CCDC121: variants seen among roughly 807,000 people sequenced by gnomAD.
CCDC121 encodes the protein coiled-coil domain containing 121, also known as coiled-coil domain-containing protein 121.
For synonymous variants in CCDC121, 108 were observed against 120.0 expected, an observed-to-expected ratio of 0.90 and a Z score of 0.65; for missense variants, 238 against 304.1, an observed-to-expected ratio of 0.78 and a Z score of 1.62.
In CCDC121 at chr2:27,627,596, A is replaced by C; in HGVS notation, c.204T>G (p.Ile68Met). ...AGGCTGATTCTTGTCTTCTTCGTTC[A>C]ATCTCTCCACTTTTTTGTAAATAGC... is the stretch of plus-strand genomic sequence containing the variant. ...WNSYLQKSGE[I>M]ERRRQESASR... is the part of the protein sequence containing the mutation. Residue 68 changes from isoleucine (I) to methionine (M), a missense_variant, in exon 2 of 2, where the codon ATT becomes ATG. Physicochemically the swap from Ile to Met is conservative, Grantham distance 10. Transcript: ENST00000324364. 6.2e-7 allele frequency: 1 copy of C among 1,614,024 alleles called. No individual in the cohort carries two copies. Among genetic ancestry groups the C allele is most frequent in the Non-Finnish European group, 8.5e-7 (1 of 1,179,998 alleles).
At position 27,628,976 on chromosome 2, in the gene CCDC121, T is replaced by C; in HGVS notation, c.-145A>G. ...CGCTCCTTTCTGACGCTGTGGTGGT[T>C]TTCGTTCGCAGCCCAGAACATTGCG... On this transcript the variant is annotated 5_prime_UTR_variant, in exon 1 of 2. Coordinates refer to ENST00000324364, the MANE Select transcript of CCDC121 (RefSeq NM_024584.5). The C allele has an allele frequency of 6.3e-7, 1 of 1,585,570 alleles. No individual in the cohort carries two copies. The highest frequency in any genetic ancestry group is 8.6e-7 in the Non-Finnish European group (1 of 1,165,434).
chr2:27,628,785 A>T, intron 1 of CCDC121, 165 bp downstream of exon 1: 1 of 1,521,362 alleles, frequency 6.6e-7, no homozygotes, highest in South Asian at 1.2e-5. Flanking sequence ...TTCCTCCGGG[A>T]GACAAAAGCC....
chr2:27,628,457 C>T, intron 1 of CCDC121: 1 of 1,551,486 alleles, frequency 6.4e-7, no homozygotes. Flanking sequence ...AGGGTGACTG[C>T]CAAGGAATGA....
Position 27,626,128 on chromosome 2 carries a change from T to C in CCDC121, c.*835A>G, listed in dbSNP as rs1673273791. On this transcript the variant is annotated 3_prime_UTR_variant, in exon 2 of 2. Coordinates refer to ENST00000324364, the MANE Select transcript of CCDC121 (RefSeq NM_024584.5). The stretch of plus-strand genomic sequence containing the variant: ...TAATAAATGACCTAAAACTAAAGCA[T>C]TTAGGATAACAAACATCATTTTACT... 1 of 152,296 alleles carries C rather than the reference T, an allele frequency of 6.6e-6. No individual in the cohort carries two copies. Among genetic ancestry groups the C allele is most frequent in the Non-Finnish European group, 1.5e-5 (1 of 68,024 alleles). 9.4% of individuals were successfully genotyped at this position (152,296 alleles called of 1,614,324 possible).
chr2:27,628,655 C>A lies in CCDC121; in HGVS notation c.-119+295G>T, dbSNP rs937621979. On this transcript the variant is annotated intron_variant, in intron 1 of 1. Coordinates refer to ENST00000324364, the MANE Select transcript of CCDC121 (RefSeq NM_024584.5). Reference sequence around the variant, plus strand: ...TTAACCGCCTCGGCTACCGAATAAGCCCGAGCAGCCGGTCCTCCAGTGGCT... The same window carrying A: ...TTAACCGCCTCGGCTACCGAATAAGACCGAGCAGCCGGTCCTCCAGTGGCT... 8 of 1,551,420 alleles carry A rather than the reference C, an allele frequency of 5.2e-6. No homozygotes were observed. The African/African-American group carries it at 9.6e-5, about 19-fold the overall frequency.
chr2:27,627,782 C>G lies in CCDC121; in HGVS notation c.18G>C (p.Lys6Asn). 1 of 1,614,016 alleles carries G rather than the reference C, an allele frequency of 6.2e-7. No homozygotes were observed. The highest frequency in any genetic ancestry group is 8.5e-7 in the Non-Finnish European group (1 of 1,179,994). The change falls in exon 2 of 2, where the codon AAG becomes AAC. Residue 6 changes from lysine (K) to asparagine (N), a missense_variant. Coordinates refer to ENST00000324364, the MANE Select transcript of CCDC121 (RefSeq NM_024584.5). ...GCTGGGTTTGAGCTTGTTTTATATG[C>G]TTGTTCAGATCCGTCATTTCCGCCA... MTDLN[K>N]HIKQAQTQRK...
chr2:27,627,115 G>A lies in CCDC121; in HGVS notation c.685C>T (p.Gln229Ter), dbSNP rs761267053. The A allele has an allele frequency of 5.0e-6, 8 of 1,614,076 alleles. No individual in the cohort carries two copies. The highest frequency in any genetic ancestry group is 6.8e-6 in the Non-Finnish European group (8 of 1,179,974). Residue 229 changes from glutamine to a stop codon, truncating the protein, a stop_gained, in exon 2 of 2, where the codon CAG (glutamine) becomes TAG (stop). Coordinates refer to ENST00000324364, the MANE Select transcript of CCDC121 (RefSeq NM_024584.5). LOFTEE classifies it low-confidence loss of function (END_TRUNC). Reference sequence around the variant, plus strand: ...AGATACCACTGTTCCTGCTGCAGCTGCTGCTTCCTGTTTTCTAAGTGGCTT... The same window carrying A: ...AGATACCACTGTTCCTGCTGCAGCTACTGCTTCCTGTTTTCTAAGTGGCTT... ...TQSHLENRKQ[Q>*]LQQEQWYLES...
chr2:27,627,759 T>C lies in CCDC121; in HGVS notation c.41A>G (p.Gln14Arg). The change falls in exon 2 of 2, where the codon CAG (glutamine) becomes CGG (arginine). Residue 14 changes from glutamine (Q) to arginine (R), a missense_variant. Coordinates refer to ENST00000324364, the MANE Select transcript of CCDC121 (RefSeq NM_024584.5). ...LNKHIKQAQT[Q>R]RKQLLEESRE... ...GGATTCCTCCAGTAGCTGTTTCCGC[T>C]GGGTTTGAGCTTGTTTTATATGCTT... 1 of 1,614,164 alleles carries C rather than the reference T, an allele frequency of 6.2e-7. No homozygotes were observed. Among genetic ancestry groups the C allele is most frequent in the Middle Eastern group, 1.7e-4 (1 of 6,056 alleles).
intron 1 of CCDC121, 50 bp from the exon 2 acceptor site, chr2:27,627,967 A>G (rs1431859313): frequency 2.4e-6 from 3 of 1,266,588 alleles, no homozygotes; most frequent in East Asian, 2.3e-5. Flanking sequence ...AACTTTAGGA[A>G]GTAAGTGCAC....
rs201727823 is a variant in CCDC121, at chr2:27,627,333, T to C, written c.467A>G (p.Gln156Arg). The C allele has an allele frequency of 2.8e-5, 45 of 1,613,846 alleles. No individual in the cohort carries two copies. The highest frequency in any genetic ancestry group is 3.6e-5 in the Non-Finnish European group (43 of 1,179,892). ...TAGCCTCCTGTCTGGCTCGCTCAGT[T>C]GTTTCTCCAGTAATCTTTTCTCCTG... The part of the protein sequence containing the change: ...LLQEKRLLEK[Q>R]LSEPDRRLLG... Residue 156 changes from glutamine to arginine, a missense_variant, in exon 2 of 2, where the codon CAA becomes CGA. Gln to Arg is a conservative substitution (Grantham distance 43). Transcript: ENST00000324364.
At chr2:27,628,648 G>A (rs1209019233) in intron 1 of CCDC121, 3 of 1,551,514 alleles carry the variant, frequency 1.9e-6, no homozygotes, top group African/African-American at 1.4e-5. Context: ...CTCGGCTACC[G>A]AATAAGCCCG....
intron 1 of CCDC121, 26 bp from the exon 2 acceptor site, chr2:27,627,943 C>T: frequency 6.7e-7 from 1 of 1,501,532 alleles, no homozygotes; most frequent in Non-Finnish European, 9.2e-7. Context: ...AGACATTCCT[C>T]TGTCAGTTAA....
intron 1 of CCDC121, 193 bp from the exon 2 acceptor site, chr2:27,628,110 CA>C: frequency 1.6e-6 from 1 of 626,226 alleles, no homozygotes; most frequent in Non-Finnish European, 2.8e-6. Context: ...GCATTCACTA[CA>C]ACCCTGGGAG....
At chr2:27,628,780 C>T (rs1268021796) in intron 1 of CCDC121, 170 bp downstream of exon 1, 1 of 1,524,942 alleles carries the variant, frequency 6.6e-7, no homozygotes. Flanking sequence ...TGGCCTTCCT[C>T]CGGGAGACAA....
At position 27,625,953 on chromosome 2, in the gene CCDC121, C is replaced by G. The variant is rs1347956564; in HGVS notation, c.*1010G>C. On this transcript the variant is annotated 3_prime_UTR_variant, in exon 2 of 2. Transcript: ENST00000324364. Reference sequence around the variant, plus strand: ...TTCAAATAAATCACTAGTCCAACTTCAATGTCGTAGAACCCAAAAAAAATA... The same window carrying G: ...TTCAAATAAATCACTAGTCCAACTTGAATGTCGTAGAACCCAAAAAAAATA... 1.3e-5 allele frequency: 2 copies of G among 151,942 alleles called. No homozygotes were observed. Among genetic ancestry groups the G allele is most frequent in the African/African-American group, 4.8e-5 (2 of 41,334 alleles). 9.4% of individuals were successfully genotyped at this position (151,942 alleles called of 1,614,324 possible).
In CCDC121 at chr2:27,628,952, G is replaced by A. The variant is rs1441671657; in HGVS notation, c.-121C>T. On this transcript the variant is annotated splice_region_variant and 5_prime_UTR_variant, in exon 1 of 2. Transcript: ENST00000324364. ...CTGGCAACCGCCGCGCCCCTCACCC[G>A]CTCCTTTCTGACGCTGTGGTGGTTT... The A allele has an allele frequency of 1.9e-6, 3 of 1,556,672 alleles. No homozygotes were observed. The highest frequency in any genetic ancestry group is 1.2e-5 in the South Asian group (1 of 82,756).
At chr2:27,628,846 C>G (rs1558483846) in intron 1 of CCDC121, 104 bp downstream of exon 1, 1 of 1,467,772 alleles carries the variant, frequency 6.8e-7, no homozygotes, top group Non-Finnish European at 9.0e-7. Context: ...TTCAGCCTTC[C>G]TCTCGCTTGC....
rs779632351 is a variant in CCDC121, at chr2:27,627,259, T to G, written c.541A>C (p.Lys181Gln). Residue 181 changes from lysine (K) to glutamine (Q), a missense_variant, in exon 2 of 2, where the codon AAG becomes CAG. By Grantham distance (53) the Lys-to-Gln change is moderately conservative (BLOSUM62 1). Transcript: ENST00000324364. The stretch of plus-strand genomic sequence containing the variant: ...AAAATAAACCGCTTTGCTGCCAACT[T>G]CAAGGCCTGGGCCTTCATATTAAGC... ...RELNMKAQALKLAAKRFIFEY... is the reference protein window; with the variant it reads ...RELNMKAQALQLAAKRFIFEY... 21 of 1,614,016 alleles carry G rather than the reference T, an allele frequency of 1.3e-5. No homozygotes were observed. Among genetic ancestry groups the G allele is most frequent in the Non-Finnish European group, 1.7e-5 (20 of 1,179,864 alleles).
At chr2:27,628,281 C>T in intron 1 of CCDC121, 1 of 1,030,782 alleles carries the variant, frequency 9.7e-7, no homozygotes, top group African/African-American at 1.6e-5. Context: ...CAGAAACAGA[C>T]TGGGTGGTCA....
Sources: allele counts gnomAD v4.1 joint callset, GRCh38; gene constraint gnomAD v4.1.1; transcripts MANE v1.5; gene names NCBI Gene and HGNC (gene_info 2026-07-23, HGNC 2026-07-21).